CNGB3: variants seen among roughly 807,000 people sequenced by gnomAD.
CNGB3 encodes the protein cyclic nucleotide-gated channel beta-3.
In CNGB3, 86 loss-of-function variants were observed where a neutral mutation model predicts 92.8. That is an observed-to-expected ratio of 0.93 (90% CI 0.78 to 1.11). CNGB3 has a LOEUF of 1.11. CNGB3 is among the 50% of genes least tolerant of loss of function. The pLI, the probability that CNGB3 is intolerant of heterozygous loss-of-function variation, is 0.00. For synonymous variants in CNGB3, 333 were observed against 332.7 expected, an observed-to-expected ratio of 1.00 and a Z score of -0.01; for missense variants, 1,026 against 956.8, an observed-to-expected ratio of 1.07 and a Z score of -0.95.
chr8:86,598,957 A>C (rs1258105613), intron 15 of CNGB3, among the ~76,000 whole-genome samples: 2 of 152,092 alleles, frequency 1.3e-5, no homozygotes, highest in Admixed American at 6.6e-5. Flanking sequence ...CATTCAACCC[A>C]CTACAGGCAT....
intron 13 of CNGB3, among the ~76,000 whole-genome samples, chr8:86,623,185 A>G (rs1294034822): frequency 2.0e-5 from 3 of 152,174 alleles, no homozygotes; most frequent in Non-Finnish European, 4.4e-5. Context: ...ATATGCTGAC[A>G]GGTCCAAATG....
chr8:86,607,998 T>C (rs1189080845), intron 14 of CNGB3, among the ~76,000 whole-genome samples: 1 of 152,174 alleles, frequency 6.6e-6, no homozygotes, highest in Non-Finnish European at 1.5e-5. Context: ...AAATGTGACT[T>C]GTCATTCTAG....
chr8:86,611,546 T>C (rs1822520629), intron 14 of CNGB3, 42 bp downstream of exon 14: 1 of 1,471,306 alleles, frequency 6.8e-7, no homozygotes, highest in Non-Finnish European at 9.5e-7. Flanking sequence ...AATCCTCAAA[T>C]GCATTTATTA....
intron 14 of CNGB3, 86 bp from the exon 15 acceptor site, chr8:86,604,297 G>A: frequency 1.2e-6 from 1 of 864,446 alleles, no homozygotes; most frequent in South Asian, 1.5e-5. Context: ...TTCTTTTAGA[G>A]GAGTAAATAT....
intron 2 of CNGB3, among the ~76,000 whole-genome samples, chr8:86,735,622 C>T (rs1825237535): frequency 6.6e-6 from 1 of 152,130 alleles, no homozygotes; most frequent in South Asian, 2.1e-4. Flanking sequence ...TCCTCCACCT[C>T]CAGAGAGCAT....
intron 15 of CNGB3, 119 bp from the exon 16 acceptor site, chr8:86,579,371 G>T: frequency 8.4e-7 from 1 of 1,185,588 alleles, no homozygotes; most frequent in Non-Finnish European, 1.2e-6. Flanking sequence ...TTCCCTAGAG[G>T]TGAGGGTCCA....
intron 3 of CNGB3, among the ~76,000 whole-genome samples, chr8:86,698,718 TGTTA>T (rs1366749705): frequency 1.3e-5 from 2 of 152,080 alleles, no homozygotes; most frequent in Non-Finnish European, 2.9e-5. Flanking sequence ...AGGGGTAGTT[TGTTA>T]GAGAGGGTGT....
chr8:86,611,698 T>C (rs1822526649), intron 13 of CNGB3, 27 bp from the exon 14 acceptor site: 2 of 1,486,304 alleles, frequency 1.3e-6, no homozygotes, highest in African/African-American at 1.4e-5. Context: ...ATAATTCTTA[T>C]AGAAACAACT....
chr8:86,605,047 G>A (rs1439894091), intron 14 of CNGB3, among the ~76,000 whole-genome samples: 1 of 152,136 alleles, frequency 6.6e-6, no homozygotes, highest in African/African-American at 2.4e-5. Context: ...TTTTGCTCAT[G>A]TTTCTGTGGT....
chr8:86,659,433 G>A (rs766029502), intron 6 of CNGB3: 297 of 666,718 alleles, frequency 4.5e-4, no homozygotes, highest in South Asian at 8.4e-4. Context: ...TCCAAGTTGA[G>A]CTGGATTCCT....
At chr8:86,662,931 G>A (rs1823672118) in intron 6 of CNGB3, among the ~76,000 whole-genome samples, 1 of 152,148 alleles carries the variant, frequency 6.6e-6, no homozygotes, top group Non-Finnish European at 1.5e-5. Context: ...TCCCATTTTG[G>A]GGGATGAAAA....
At chr8:86,668,483 A>T (rs116402726) in intron 4 of CNGB3, among the ~76,000 whole-genome samples, 1,973 of 152,240 alleles carry the variant, frequency 0.013, 35 homozygotes, top group African/African-American at 0.041. Context: ...CTTAAAGTAT[A>T]AAAAAATCCA....
At chr8:86,655,257 C>T (rs1367403669) in intron 6 of CNGB3, among the ~76,000 whole-genome samples, 2 of 152,110 alleles carry the variant, frequency 1.3e-5, no homozygotes, top group African/African-American at 2.4e-5. Context: ...CTACAGTGGC[C>T]GCCAGATGAT....
chr8:86,736,051 C>T (rs1335530255), intron 2 of CNGB3, among the ~76,000 whole-genome samples: 1 of 151,990 alleles, frequency 6.6e-6, no homozygotes, highest in East Asian at 1.9e-4. Context: ...AAAAGAGGAC[C>T]TTAGCAAGTT....
chr8:86,620,748 T>C (rs1822709560), intron 13 of CNGB3, among the ~76,000 whole-genome samples: 1 of 152,174 alleles, frequency 6.6e-6, no homozygotes, highest in African/African-American at 2.4e-5. Context: ...ATCAGTCAGG[T>C]ATAAATTATG....
chr8:86,579,218 C>G lies in CNGB3; in HGVS notation c.1816G>C (p.Ala606Pro). ...LAAGGGNRRT[A>P]NVVAHGFANL... is the part of the protein sequence containing the mutation. Reference sequence around the variant, plus strand: ...GCAAACCCGTGGGCCACCACATTGGCAGTTCGACGGTTTCCTCCTCCTGCT... The same window carrying G: ...GCAAACCCGTGGGCCACCACATTGGGAGTTCGACGGTTTCCTCCTCCTGCT... The change falls in exon 16 of 18, where the codon GCC becomes CCC. Residue 606 changes from alanine to proline, a missense_variant. Physicochemically the swap from Ala to Pro is conservative, Grantham distance 27 (BLOSUM62 -1). Coordinates refer to ENST00000320005, the MANE Select transcript of CNGB3 (RefSeq NM_019098.5). The G allele has an allele frequency of 6.2e-7, 1 of 1,614,130 alleles. No homozygotes were observed. Among genetic ancestry groups the G allele is most frequent in the East Asian group, 2.2e-5 (1 of 44,876 alleles).
intron 2 of CNGB3, among the ~76,000 whole-genome samples, chr8:86,739,182 C>G (rs1025339370): frequency 3.3e-5 from 5 of 151,998 alleles, no homozygotes; most frequent in African/African-American, 1.2e-4. Context: ...AGTGTGGTAG[C>G]CTTAGGAGTA....
chr8:86,659,266 G>T (rs916697393), intron 6 of CNGB3: 19 of 794,366 alleles, frequency 2.4e-5, no homozygotes, highest in Non-Finnish European at 4.1e-5. Flanking sequence ...TCCATCTGTA[G>T]CTGTTTCAGC....
chr8:86,627,228 C>T (rs894056694), intron 12 of CNGB3, among the ~76,000 whole-genome samples: 5 of 151,862 alleles, frequency 3.3e-5, no homozygotes, highest in Non-Finnish European at 5.9e-5. Context: ...TTATTGTTTC[C>T]GAGGGCTGTC....
Sources: allele counts gnomAD v4.1 joint callset (sites outside exome capture counted in the v4.1 genomes callset), GRCh38; gene constraint gnomAD v4.1.1; transcripts MANE v1.5; gene names NCBI Gene and HGNC (gene_info 2026-07-23, HGNC 2026-07-21).